TNRC18: variants seen among roughly 807,000 people sequenced by gnomAD.
TNRC18 encodes the protein trinucleotide repeat containing 18, also known as trinucleotide repeat-containing gene 18 protein.
A neutral mutation model predicts 226.7 loss-of-function variants in TNRC18; 69 were observed. The ratio of observed to expected loss-of-function variants is 0.30; its 90% CI spans 0.25 to 0.37. TNRC18 has a LOEUF of 0.37. TNRC18 is among the 10% of genes least tolerant of loss of function. The pLI is 1.00. For synonymous variants in TNRC18, 2,449 were observed against 1,927.6 expected (o/e 1.27, Z -7.09); for missense variants, 4,754 against 4,256.6 (o/e 1.12, Z -3.25).
chr7:5,363,357 C>T (rs1793268980), intron 11 of TNRC18, among the ~76,000 whole-genome samples: 1 of 152,104 alleles, frequency 6.6e-6, no homozygotes, highest in Non-Finnish European at 1.5e-5. Flanking sequence ...AATCCCAGCA[C>T]TTTGGGAGGC....
Position 5,351,690 on chromosome 7 carries a change from T to G in TNRC18, c.5470+129A>C, listed in dbSNP as rs573853374. ...GCCAAGAACCCAGATGGCAGCCTTCTTGCGGCCATCCGCACGGGCCTCCTC... is the reference window on the plus strand; with the variant it reads ...GCCAAGAACCCAGATGGCAGCCTTCGTGCGGCCATCCGCACGGGCCTCCTC... On this transcript the variant is annotated intron_variant, in intron 17 of 29. Coordinates refer to ENST00000430969, the MANE Select transcript of TNRC18 (RefSeq NM_001080495.3). 1.8e-4 allele frequency: 185 copies of G among 1,034,314 alleles called. 1 individual carries two copies. Among genetic ancestry groups the G allele is most frequent in the Middle Eastern group, 1.6e-3 (6 of 3,680 alleles). 64.1% of individuals were successfully genotyped at this position (1,034,314 alleles called of 1,614,324 possible).
chr7:5,392,165 C>T (rs59848349), intron 3 of TNRC18, among the ~76,000 whole-genome samples: 26,654 of 152,128 alleles, frequency 0.18, 3,921 homozygotes, highest in African/African-American at 0.4. Flanking sequence ...CTCATCCAAT[C>T]ATTCAAACAG....
chr7:5,357,127 G>A lies in TNRC18; in HGVS notation c.4983C>T (p.Gly1661=), dbSNP rs778106354. ...CGTAAGGAGTCAAGTACCTGCCGCA[G>A]CCCCCGCTAGTTTTCGATTTCCCCC... ...SAGGKSKTSG[G]CGRYLTPYDS... is the part of the protein sequence containing the mutation. The change falls in exon 16 of 30, where the codon GGC becomes GGT. Residue 1661 remains glycine (G), a synonymous_variant. Coordinates refer to ENST00000430969, the MANE Select transcript of TNRC18 (RefSeq NM_001080495.3). 6 of 1,557,500 alleles carry A rather than the reference G, an allele frequency of 3.9e-6. No homozygotes were observed. In the Admixed American group the frequency reaches 5.8e-5, roughly 15 times the overall value.
intron 18 of TNRC18, among the ~76,000 whole-genome samples, chr7:5,337,560 C>G (rs1167795615): frequency 2.6e-5 from 4 of 151,430 alleles, no homozygotes; most frequent in Admixed American, 6.6e-5. Flanking sequence ...GTTCTTTGGG[C>G]TGAAACTGCA....
intron 17 of TNRC18, among the ~76,000 whole-genome samples, chr7:5,346,037 T>C (rs983084389): frequency 6.6e-6 from 1 of 152,004 alleles, no homozygotes; most frequent in Admixed American, 6.5e-5. Context: ...AGCCCGGAGG[T>C]GGGCAGCGGC....
At position 5,409,781 on chromosome 7, in the gene TNRC18, C is replaced by A. The variant is rs539354653; in HGVS notation, c.187+11279G>T. ...CACGAGGTCAGGAGATCGAGACCAT[C>A]GTGGCTAACATGGTGAAACCCCGTC... is the stretch of plus-strand genomic sequence containing the variant. On this transcript the variant is annotated intron_variant, in intron 2 of 29. Transcript: ENST00000430969. Among the ~76,000 whole-genome samples, 12 of 142,946 alleles carry A rather than the reference C, an allele frequency of 8.4e-5. No homozygotes were observed. The South Asian group carries it at 2.7e-3, about 32-fold the overall frequency. The allele number at this position is 142,946 out of a possible 152,430, so 93.8% of individuals were successfully genotyped here. A position where few individuals can be genotyped will look rare whatever the true frequency, so the allele number is the denominator to read the frequency against.
chr7:5,396,126 G>C (rs1780668663), intron 2 of TNRC18, among the ~76,000 whole-genome samples: 1 of 141,674 alleles, frequency 7.1e-6, no homozygotes, highest in Non-Finnish European at 1.5e-5. Context: ...AGCCGAGATC[G>C]CTCCACTGCA....
At chr7:5,366,112 A>G (rs1475967339) in intron 11 of TNRC18, among the ~76,000 whole-genome samples, 1 of 151,880 alleles carries the variant, frequency 6.6e-6, no homozygotes, top group Admixed American at 6.6e-5. Context: ...CCTTGGCACT[A>G]TTCACATTTC....
chr7:5,412,532 C>T (rs763944078), intron 2 of TNRC18, among the ~76,000 whole-genome samples: 7 of 151,074 alleles, frequency 4.6e-5, no homozygotes, highest in Admixed American at 1.3e-4. Flanking sequence ...GCTGAGATCG[C>T]GCCACCGCAC....
intron 18 of TNRC18, among the ~76,000 whole-genome samples, chr7:5,344,764 C>T (rs560002059): frequency 2.2e-3 from 331 of 152,306 alleles, no homozygotes; most frequent in Non-Finnish European, 3.4e-3. Context: ...CCATCTCCAT[C>T]TCCGGCACTG....
At chr7:5,403,221 C>T (rs1382991818) in intron 2 of TNRC18, among the ~76,000 whole-genome samples, 1 of 150,800 alleles carries the variant, frequency 6.6e-6, no homozygotes, top group Non-Finnish European at 1.5e-5. Context: ...AGTGCAATGG[C>T]GTGATCTCAG....
At position 5,388,749 on chromosome 7, in the gene TNRC18, C is replaced by CG. The variant is rs1562599038; in HGVS notation, c.1074dup (p.Val359ArgfsTer8). 1 of 1,236,150 alleles carries CG rather than the reference C, an allele frequency of 8.1e-7. No individual in the cohort carries two copies. Among genetic ancestry groups the CG allele is most frequent in the Non-Finnish European group, 1.0e-6 (1 of 987,088 alleles). The allele number at this position is 1,236,150 out of a possible 1,614,324, so 76.6% of individuals were successfully genotyped here. A position where few individuals can be genotyped will look rare whatever the true frequency, so the allele number is the denominator to read the frequency against. Reference sequence around the variant, plus strand: ...TGCTCACGGCCCTGCTCGCGGAAGACGGTGTAGACGCCGGCGGGGGTGGCC... The same window carrying CG: ...TGCTCACGGCCCTGCTCGCGGAAGACGGGTGTAGACGCCGGCGGGGGTGGCC... On this transcript the variant is annotated frameshift_variant, in exon 5 of 30. Transcript: ENST00000430969. LOFTEE classifies it high-confidence loss of function.
At position 5,405,737 on chromosome 7, in the gene TNRC18, C is replaced by T. The variant is rs150340772; in HGVS notation, c.188-11142G>A. ...CAAGCCTGGGCAACAGAGCAAGACTCTGTCTCAAAAACAAAAAATAAAAAT... is the reference window on the plus strand; with the variant it reads ...CAAGCCTGGGCAACAGAGCAAGACTTTGTCTCAAAAACAAAAAATAAAAAT... On this transcript the variant is annotated intron_variant, in intron 2 of 29. Transcript: ENST00000430969. Among the ~76,000 whole-genome samples the T allele has an allele frequency of 3.1e-3, 473 of 152,214 alleles. 6 individuals are homozygous for T. Among genetic ancestry groups the T allele is most frequent in the African/African-American group, 0.011 (437 of 41,550 alleles).
chr7:5,398,618 C>CATAAATGTGATT (rs1437560750), intron 2 of TNRC18, among the ~76,000 whole-genome samples: 1 of 149,572 alleles, frequency 6.7e-6, no homozygotes, highest in African/African-American at 2.5e-5. Flanking sequence ...CGTGCCCGGC[C>CATAAATGTGATT]TCTTTTCTTT....
chr7:5,317,758 T>A (rs1246284725), intron 24 of TNRC18, among the ~76,000 whole-genome samples: 1 of 151,360 alleles, frequency 6.6e-6, no homozygotes, highest in Non-Finnish European at 1.5e-5. Context: ...CAGGCTGGAA[T>A]GCAATGGCGC....
Position 5,370,534 on chromosome 7 carries a change from C to A in TNRC18, c.4060G>T (p.Ala1354Ser). 6.2e-7 allele frequency: 1 copy of A among 1,604,454 alleles called. No homozygotes were observed. The highest frequency in any genetic ancestry group is 8.5e-7 in the Non-Finnish European group (1 of 1,175,916). The change falls in exon 11 of 30, where the codon GCC (alanine) becomes TCC (serine). Residue 1354 changes from alanine to serine, a missense_variant. Physicochemically the swap from Ala to Ser is moderately conservative, Grantham distance 99 (BLOSUM62 1). Transcript: ENST00000430969. ...ALAAAAELPQ[A>S]RPLPSPGAAG... ...GCACCCGGGGAGGGCAGAGGCCTGG[C>A]CTGGGGCAGCTCCGCAGCTGCCGCC... is the stretch of plus-strand genomic sequence containing the variant.
At chr7:5,411,157 A>G (rs1242593785) in intron 2 of TNRC18, among the ~76,000 whole-genome samples, 1 of 150,966 alleles carries the variant, frequency 6.6e-6, no homozygotes, top group Non-Finnish European at 1.5e-5. Flanking sequence ...TGGAGGTTGC[A>G]ATGAGCTGAG....
At chr7:5,395,518 C>T (rs567864119) in intron 2 of TNRC18, among the ~76,000 whole-genome samples, 7 of 152,370 alleles carry the variant, frequency 4.6e-5, no homozygotes, top group East Asian at 1.9e-4. Context: ...GAGCCCCAAA[C>T]GCCATCCCCT....
intron 2 of TNRC18, among the ~76,000 whole-genome samples, chr7:5,416,643 G>A (rs1782207579): frequency 6.7e-6 from 1 of 150,030 alleles, no homozygotes; most frequent in Non-Finnish European, 1.5e-5. Flanking sequence ...ATCACTTGAG[G>A]GCAGGAGTTT....
Sources: allele counts gnomAD v4.1 joint callset (sites outside exome capture counted in the v4.1 genomes callset), GRCh38; gene constraint gnomAD v4.1.1; transcripts MANE v1.5; gene names NCBI Gene and HGNC (gene_info 2026-07-23, HGNC 2026-07-21).